LAMA2: variants seen among roughly 807,000 people sequenced by gnomAD.
LAMA2 encodes laminin subunit alpha 2, also known as laminin subunit alpha-2.
LAMA2 carries 269 observed loss-of-function variants against 364.8 expected under a neutral mutation model. The observed-to-expected ratio is 0.74, with a 90% CI of 0.67 to 0.82. The LOEUF is 0.82. LAMA2 is among the 40% of genes least tolerant of loss of function. The probability of loss-of-function intolerance (pLI) is 0.00; values close to 1 mark genes in which losing one functional copy is unlikely to be tolerated. For missense variants in LAMA2, 3,807 were observed against 3,873.2 expected (o/e 0.98, Z 0.45); for synonymous variants, 1,379 against 1,370.6 (o/e 1.01, Z -0.14).
At chr6:128,943,269 CAGAGAGAGAGAGAGAG>C (rs6149801) in intron 1 of LAMA2, among the ~76,000 whole-genome samples, 4 of 143,192 alleles carry the variant, frequency 2.8e-5, no homozygotes, top group Middle Eastern at 3.5e-3. Flanking sequence ...TATATATACA[CAGAGAGAGAGAGAGAG>C]AGAGAGAGAG....
At chr6:129,415,394 C>A (rs919604220) in intron 40 of LAMA2, among the ~76,000 whole-genome samples, 1 of 152,044 alleles carries the variant, frequency 6.6e-6, no homozygotes, top group African/African-American at 2.4e-5. Flanking sequence ...GTGAATTATT[C>A]CTTTTTATTT....
At chr6:129,034,739 T>G (rs1786494722) in intron 1 of LAMA2, among the ~76,000 whole-genome samples, 1 of 152,144 alleles carries the variant, frequency 6.6e-6, no homozygotes, top group African/African-American at 2.4e-5. Flanking sequence ...ATTTTCTGCT[T>G]CTGAGTTATT....
At chr6:129,384,461 G>C (rs912701781) in intron 35 of LAMA2, among the ~76,000 whole-genome samples, 1 of 152,074 alleles carries the variant, frequency 6.6e-6, no homozygotes, top group African/African-American at 2.4e-5. Flanking sequence ...TTTTCAATTT[G>C]TTTCAATCAA....
At chr6:128,906,867 C>T (rs557376442) in intron 1 of LAMA2, among the ~76,000 whole-genome samples, 12 of 150,676 alleles carry the variant, frequency 8.0e-5, no homozygotes, top group Non-Finnish European at 1.2e-4. Context: ...TAGCCAGTTT[C>T]CCCAGCACCA....
chr6:129,287,841 C>G lies in LAMA2; in HGVS notation c.2538-6C>G. 1 of 1,613,148 alleles carries G rather than the reference C, an allele frequency of 6.2e-7. No individual in the cohort carries two copies. The highest frequency in any genetic ancestry group is 8.5e-7 in the Non-Finnish European group (1 of 1,179,256). On this transcript the variant is annotated splice_polypyrimidine_tract_variant and splice_region_variant and intron_variant, in intron 18 of 64. Coordinates refer to ENST00000421865, the MANE Select transcript of LAMA2 (RefSeq NM_000426.4). The stretch of plus-strand genomic sequence containing the variant: ...AAAGGCTCACTGATGAAATTTCTTG[C>G]CTTAGGTGTGCAGAAGGCTATTTTG...
intron 12 of LAMA2, among the ~76,000 whole-genome samples, chr6:129,222,466 A>C: frequency 6.8e-6 from 1 of 148,048 alleles, no homozygotes; most frequent in South Asian, 2.3e-4. Flanking sequence ...TACGTTAGGT[A>C]TATCTCCTAA....
At chr6:129,164,884 G>A (rs1220606661) in intron 8 of LAMA2, among the ~76,000 whole-genome samples, 1 of 152,074 alleles carries the variant, frequency 6.6e-6, no homozygotes, top group Non-Finnish European at 1.5e-5. Context: ...CTTAAAATTT[G>A]ATTTTAGATT....
chr6:129,164,115 G>A (rs1779599127), intron 8 of LAMA2, among the ~76,000 whole-genome samples: 1 of 151,830 alleles, frequency 6.6e-6, no homozygotes, highest in African/African-American at 2.4e-5. Context: ...TATGTTCCAG[G>A]AACCCCAGTT....
At chr6:129,366,383 C>A in intron 33 of LAMA2, 22 bp downstream of exon 33, 1 of 1,612,564 alleles carries the variant, frequency 6.2e-7, no homozygotes, top group Non-Finnish European at 8.5e-7. Flanking sequence ...CAGTCACAAG[C>A]AAGGGCCAGG....
intron 32 of LAMA2, among the ~76,000 whole-genome samples, chr6:129,361,257 A>G (rs1361536450): frequency 6.6e-6 from 1 of 152,214 alleles, no homozygotes; most frequent in Non-Finnish European, 1.5e-5. Context: ...TGAGAGAAGA[A>G]CCTTCCTATT....
intron 1 of LAMA2, among the ~76,000 whole-genome samples, chr6:128,945,123 AGTT>A (rs1415271712): frequency 6.6e-6 from 1 of 152,208 alleles, no homozygotes; most frequent in East Asian, 1.9e-4. Context: ...AAGATATACC[AGTT>A]GTTTTCAAAT....
chr6:129,043,423 T>C (rs1787241928), intron 1 of LAMA2, among the ~76,000 whole-genome samples: 1 of 152,228 alleles, frequency 6.6e-6, no homozygotes. Context: ...ATTAATCACA[T>C]GTAGTGGATT....
chr6:129,089,775 T>C (rs1481377322), intron 3 of LAMA2, among the ~76,000 whole-genome samples: 1 of 152,246 alleles, frequency 6.6e-6, no homozygotes, highest in Non-Finnish European at 1.5e-5. Flanking sequence ...TAATGAAGCA[T>C]GGCGTACTAA....
chr6:129,243,993 G>T (rs1441479615), intron 12 of LAMA2, among the ~76,000 whole-genome samples: 2 of 151,990 alleles, frequency 1.3e-5, no homozygotes, highest in African/African-American at 4.8e-5. Flanking sequence ...ATGAATGCAG[G>T]CAGGCAGGAT....
chr6:129,429,234 T>C (rs1459728355), intron 41 of LAMA2, among the ~76,000 whole-genome samples: 2 of 152,224 alleles, frequency 1.3e-5, no homozygotes, highest in Non-Finnish European at 2.9e-5. Flanking sequence ...CATGGACTAA[T>C]TAATATTCCA....
intron 19 of LAMA2, among the ~76,000 whole-genome samples, chr6:129,289,987 T>G (rs1789581421): frequency 6.6e-6 from 1 of 152,156 alleles, no homozygotes; most frequent in Admixed American, 6.5e-5. Flanking sequence ...TACATTATTT[T>G]GGTTACCTAT....
intron 40 of LAMA2, among the ~76,000 whole-genome samples, chr6:129,417,861 G>C (rs1442482051): frequency 6.6e-6 from 1 of 152,170 alleles, no homozygotes; most frequent in African/African-American, 2.4e-5. Flanking sequence ...TCTGAAATCA[G>C]CCTGGGTGCC....
intron 1 of LAMA2, among the ~76,000 whole-genome samples, chr6:128,913,440 T>A (rs1184544990): frequency 1.3e-5 from 2 of 152,248 alleles, no homozygotes; most frequent in African/African-American, 4.8e-5. Flanking sequence ...CTTCTGGCTG[T>A]GACTTTTCAT....
intron 1 of LAMA2, among the ~76,000 whole-genome samples, chr6:129,019,387 C>T (rs942677814): frequency 6.6e-6 from 1 of 151,222 alleles, no homozygotes; most frequent in Non-Finnish European, 1.5e-5. Context: ...TTTGAAACTC[C>T]CATGAGTCAA....
Sources: gnomAD v4.1 joint callset for allele counts (sites outside exome capture counted in the v4.1 genomes callset) on GRCh38, gnomAD v4.1.1 for gene constraint, MANE v1.5 for transcripts, NCBI Gene and HGNC (gene_info 2026-07-23, HGNC 2026-07-21) for gene names.